The following CA1 variants were observed in gnomAD, a reference collection of about 807,000 sequenced individuals.
CA1 encodes the protein carbonate dehydratase I.
Under a neutral mutation model 28.8 loss-of-function variants are expected in CA1, and 27 were observed. The observed-to-expected ratio is 0.94, with a 90% CI of 0.69 to 1.29. The LOEUF (loss-of-function observed/expected upper bound fraction) is 1.29. CA1 is among the 50% of genes most tolerant of loss of function. CA1 has a pLI of 0.00. For missense variants in CA1, 335 were observed against 310.5 expected, an observed-to-expected ratio of 1.08 and a Z score of -0.59; for synonymous variants, 121 against 108.8, an observed-to-expected ratio of 1.11 and a Z score of -0.70.
chr8:85,347,105 A>G (rs1809222437), intron 1 of CA1, among the ~76,000 whole-genome samples: 1 of 152,204 alleles, frequency 6.6e-6, no homozygotes, highest in South Asian at 2.1e-4. Flanking sequence ...TTAAAAAAAC[A>G]TGTCTTCTTA....
chr8:85,332,503 G>T lies in CA1; in HGVS notation c.500C>A (p.Ala167Glu). ...KLQKVLDALQ[A>E]IKTKGKRAPF... ...TAGTGTGTTTACCTTGGTTTTAATT[G>T]CTTGGAGGGCATCAAGTACTTTCTG... Residue 167 changes from alanine (A) to glutamate (E), a missense_variant, in exon 6 of 8, where the codon GCA becomes GAA. Ala to Glu is a moderately radical substitution (Grantham distance 107). Coordinates refer to ENST00000523022, the MANE Select transcript of CA1 (RefSeq NM_001128831.4). 6.2e-7 allele frequency: 1 copy of T among 1,612,372 alleles called. No individual in the cohort carries two copies. Among genetic ancestry groups the T allele is most frequent in the Non-Finnish European group, 8.5e-7 (1 of 1,178,732 alleles).
chr8:85,361,470 A>C (rs1429927057), intron 1 of CA1, among the ~76,000 whole-genome samples: 3 of 152,160 alleles, frequency 2.0e-5, no homozygotes, highest in Non-Finnish European at 4.4e-5. Context: ...TGATGCCGGA[A>C]GTTTGAGACC....
intron 1 of CA1, among the ~76,000 whole-genome samples, chr8:85,356,983 T>G (rs1353946334): frequency 6.6e-6 from 1 of 152,210 alleles, no homozygotes; most frequent in Non-Finnish European, 1.5e-5. Context: ...ATTTCTCAGA[T>G]TTTTGGAAAG....
intron 1 of CA1, among the ~76,000 whole-genome samples, chr8:85,346,824 A>T (rs1405093453): frequency 6.6e-6 from 1 of 152,194 alleles, no homozygotes; most frequent in East Asian, 1.9e-4. Context: ...AAGCCTCAAA[A>T]AAAAAAGAGT....
At chr8:85,334,630 T>TCCTC (rs1485882182) in intron 4 of CA1, among the ~76,000 whole-genome samples, 1 of 149,032 alleles carries the variant, frequency 6.7e-6, no homozygotes. Flanking sequence ...CTTCCTTCCT[T>TCCTC]CCTCCCTCCC....
intron 1 of CA1, among the ~76,000 whole-genome samples, chr8:85,376,036 A>G (rs1810402732): frequency 6.6e-6 from 1 of 152,200 alleles, no homozygotes; most frequent in South Asian, 2.1e-4. Context: ...ACACAGTTAT[A>G]AGTTATAAAA....
intron 1 of CA1, chr8:85,351,629 A>G (rs985290416): frequency 1.3e-5 from 2 of 152,172 alleles, no homozygotes; most frequent in African/African-American, 4.8e-5. Context: ...TAGATCACCC[A>G]TTTTTCCATT....
intron 4 of CA1, 27 bp downstream of exon 4, chr8:85,336,918 T>C: frequency 1.5e-6 from 2 of 1,334,950 alleles, no homozygotes; most frequent in Non-Finnish European, 2.2e-6. Flanking sequence ...TCAGGGTAAT[T>C]ATCTCTCACT....
intron 5 of CA1, 111 bp from the exon 6 acceptor site, chr8:85,332,663 TTC>T (rs1322062296): frequency 1.0e-4 from 79 of 772,748 alleles, no homozygotes; most frequent in South Asian, 3.2e-4. Flanking sequence ...GTAAGGTATT[TTC>T]TCTCTGCTTT....
chr8:85,350,172 T>G (rs1364980627), intron 1 of CA1, among the ~76,000 whole-genome samples: 4 of 152,210 alleles, frequency 2.6e-5, no homozygotes, highest in Non-Finnish European at 1.5e-5. Flanking sequence ...ATTTCTAAGA[T>G]GGGTTTAGCT....
intron 7 of CA1, among the ~76,000 whole-genome samples, chr8:85,329,033 C>T (rs1164076381): frequency 6.6e-6 from 1 of 152,090 alleles, no homozygotes; most frequent in Non-Finnish European, 1.5e-5. Flanking sequence ...TCCATAAGTA[C>T]TTACTTCACT....
chr8:85,358,623 A>G (rs1585953593), intron 1 of CA1, among the ~76,000 whole-genome samples: 4 of 152,310 alleles, frequency 2.6e-5, no homozygotes, highest in South Asian at 4.1e-4. Flanking sequence ...ATGGCCTCCA[A>G]TGAATCCTGC....
At chr8:85,352,207 A>G (rs1809438240) in intron 1 of CA1, among the ~76,000 whole-genome samples, 1 of 152,148 alleles carries the variant, frequency 6.6e-6, no homozygotes, top group Admixed American at 6.5e-5. Flanking sequence ...TTTTGAACTC[A>G]ATGATCCATG....
chr8:85,341,868 T>A (rs1314005561), intron 1 of CA1: 1 of 449,694 alleles, frequency 2.2e-6, no homozygotes. Context: ...ATTGCTTAAT[T>A]TTCTTATATT....
chr8:85,361,141 G>A (rs774840427), intron 1 of CA1, among the ~76,000 whole-genome samples: 4 of 152,166 alleles, frequency 2.6e-5, no homozygotes, highest in Non-Finnish European at 4.4e-5. Flanking sequence ...AGGCCACTGG[G>A]AGGGGAAATC....
At chr8:85,345,922 C>T (rs939851164) in intron 1 of CA1, among the ~76,000 whole-genome samples, 2 of 152,046 alleles carry the variant, frequency 1.3e-5, no homozygotes, top group Admixed American at 1.3e-4. Context: ...ATAGTTTGAA[C>T]TTTTGACATA....
chr8:85,348,686 T>C (rs1476040629), intron 1 of CA1, among the ~76,000 whole-genome samples: 6 of 152,238 alleles, frequency 3.9e-5, no homozygotes, highest in Non-Finnish European at 5.9e-5. Context: ...TTTTTAAGAA[T>C]TAGCATTAAC....
Position 85,332,488 on chromosome 8 carries a change from A to T in CA1, c.513+2T>A, listed in dbSNP as rs1191962367. The T allele has an allele frequency of 6.2e-7, 1 of 1,609,074 alleles. No individual in the cohort carries two copies. The highest frequency in any genetic ancestry group is 2.2e-5 in the East Asian group (1 of 44,724). On this transcript the variant is annotated splice_donor_variant, in intron 6 of 7. Coordinates refer to ENST00000523022, the MANE Select transcript of CA1 (RefSeq NM_001128831.4). LOFTEE classifies it high-confidence loss of function. ...TTTAAACTACTTATTTAGTGTGTTTACCTTGGTTTTAATTGCTTGGAGGGC... is the reference window on the plus strand; with the variant it reads ...TTTAAACTACTTATTTAGTGTGTTTTCCTTGGTTTTAATTGCTTGGAGGGC...
At chr8:85,358,279 A>G (rs1227624300) in intron 1 of CA1, among the ~76,000 whole-genome samples, 1 of 152,176 alleles carries the variant, frequency 6.6e-6, no homozygotes, top group East Asian at 1.9e-4. Flanking sequence ...TTTTAGATGG[A>G]GTGCCATCCC....
Sources: allele counts gnomAD v4.1 joint callset (sites outside exome capture counted in the v4.1 genomes callset), GRCh38; gene constraint gnomAD v4.1.1; transcripts MANE v1.5; gene names NCBI Gene and HGNC (gene_info 2026-07-23, HGNC 2026-07-21).